ABCC8: variants seen among roughly 807,000 people sequenced by gnomAD.
The protein encoded by ABCC8 is ATP-binding cassette sub-family C member 8.
A neutral mutation model predicts 188.0 loss-of-function variants in ABCC8; 137 were observed. The observed-to-expected ratio is 0.73, with a 90% CI of 0.63 to 0.84. The LOEUF (loss-of-function observed/expected upper bound fraction) is 0.84. ABCC8 is among the 40% of genes least tolerant of loss of function. ABCC8 has a pLI of 0.00. For missense variants in ABCC8, 1,750 were observed against 2,072.7 expected (o/e 0.84, Z 3.02); for synonymous variants, 797 against 846.5 (o/e 0.94, Z 1.01).
At chr11:17,430,423 T>C (rs1955791680) in intron 12 of ABCC8, 3 of 347,822 alleles carry the variant, frequency 8.6e-6, no homozygotes, top group Admixed American at 7.6e-5. Context: ...ACACAGTGGA[T>C]GCCTTCTGAT....
chr11:17,432,052 C>A (rs1955870897), intron 11 of ABCC8, 152 bp downstream of exon 11: 1 of 1,082,354 alleles, frequency 9.2e-7, no homozygotes, highest in Admixed American at 2.3e-5. Context: ...AGGGGCCACA[C>A]CCTCTATAAA....
intron 8 of ABCC8, among the ~76,000 whole-genome samples, chr11:17,445,935 T>C (rs1206021039): frequency 1.3e-5 from 2 of 150,914 alleles, no homozygotes; most frequent in Non-Finnish European, 2.9e-5. Flanking sequence ...ACGGTAACCG[T>C]GCAGCAGGTT....
In ABCC8 at chr11:17,415,103, T is replaced by C. The variant is rs191975399; in HGVS notation, c.2291+201A>G. Among the ~76,000 whole-genome samples, 386 of 149,350 alleles carry C rather than the reference T, an allele frequency of 2.6e-3. 1 individual carries two copies. Among genetic ancestry groups the C allele is most frequent in the African/African-American group, 7.5e-3 (303 of 40,206 alleles). ...AAAGAGATCCCAGATAAAAATGATC[T>C]TATGTGAAGGGAGTAAATGGATGCA... On this transcript the variant is annotated intron_variant, in intron 18 of 38. Coordinates refer to ENST00000389817, the MANE Select transcript of ABCC8 (RefSeq NM_000352.6).
intron 8 of ABCC8, chr11:17,448,311 C>T (rs977824296): frequency 3.3e-6 from 2 of 602,386 alleles, no homozygotes; most frequent in Non-Finnish European, 6.0e-6. Context: ...ACTGCCTTCT[C>T]TGGTCATTAA....
Position 17,427,095 on chromosome 11 carries a change from C to T in ABCC8, c.2176G>A (p.Ala726Thr), listed in dbSNP as rs138687850. The T allele has an allele frequency of 8.1e-4, 1,307 of 1,613,880 alleles. 2 individuals are homozygous for T. The highest frequency in any genetic ancestry group is 1.0e-3 in the Non-Finnish European group (1,215 of 1,179,910). Residue 726 changes from alanine (A) to threonine (T), a missense_variant, in exon 16 of 39, where the codon GCA (alanine) becomes ACA (threonine). By Grantham distance (58) the Ala-to-Thr change is moderately conservative (BLOSUM62 0). Coordinates refer to ENST00000389817, the MANE Select transcript of ABCC8 (RefSeq NM_000352.6). This position sits in a 1 kb window ranked among gnomAD's most constrained non-coding sequence, Gnocchi z 5.0. ...GCGKSSLLLA[A>T]LGEMQKVSGA... ...GAGACCTTCTGCATCTCCCCCAGTG[C>T]GGCTAGAAGGAGCGAGGACTTGCCG...
chr11:17,392,721 T>G, downstream of ABCC8: 1 of 511,328 alleles, frequency 2.0e-6, no homozygotes, highest in Non-Finnish European at 3.6e-6. Flanking sequence ...ACCCAGTCTG[T>G]GATATGTTGT....
intron 3 of ABCC8, among the ~76,000 whole-genome samples, chr11:17,466,289 C>T (rs1848141582): frequency 6.6e-6 from 1 of 151,128 alleles, no homozygotes; most frequent in Non-Finnish European, 1.5e-5. Context: ...GTCCCAGTTA[C>T]TCAGGAGGCT....
intron 12 of ABCC8, 78 bp from the exon 13 acceptor site, chr11:17,428,748 G>A: frequency 5.0e-6 from 8 of 1,586,834 alleles, no homozygotes; most frequent in South Asian, 3.4e-5. Flanking sequence ...CTGATAGAGA[G>A]CTCTGAGCAG....
rs1402596906 is a variant in ABCC8, at chr11:17,397,330, A to G, written c.3868-17T>C. 6 of 1,608,348 alleles carry G rather than the reference A, an allele frequency of 3.7e-6. No homozygotes were observed. The highest frequency in any genetic ancestry group is 5.1e-6 in the Non-Finnish European group (6 of 1,179,944). ...GTTGGAGACCTGTGGGGAGCAAGCCAGTGGCGCACACTCCATGGTCGCTTA... is the reference window on the plus strand; with the variant it reads ...GTTGGAGACCTGTGGGGAGCAAGCCGGTGGCGCACACTCCATGGTCGCTTA... On this transcript the variant is annotated splice_polypyrimidine_tract_variant and intron_variant, in intron 31 of 38. Transcript: ENST00000389817.
chr11:17,453,271 C>A lies in ABCC8; in HGVS notation c.1024G>T (p.Gly342Trp), dbSNP rs763028380. The change falls in exon 7 of 39, where the codon GGG becomes TGG. Residue 342 changes from glycine (G) to tryptophan (W), a missense_variant. Gly to Trp is a radical substitution (Grantham distance 184, BLOSUM62 -2). Coordinates refer to ENST00000389817, the MANE Select transcript of ABCC8 (RefSeq NM_000352.6). ...DVFQPKTQFLGVYFVSSQEFL... is the reference protein window; with the variant it reads ...DVFQPKTQFLWVYFVSSQEFL... ...TCTTGGGATGAGACAAAGTAAACCC[C>A]GAGAAATTGTGTCTGTTGGAAAGAG... 1 of 1,613,900 alleles carries A rather than the reference C, an allele frequency of 6.2e-7. No individual in the cohort carries two copies. Among genetic ancestry groups the A allele is most frequent in the Non-Finnish European group, 8.5e-7 (1 of 1,180,014 alleles).
intron 10 of ABCC8, among the ~76,000 whole-genome samples, chr11:17,434,331 C>T (rs895565802): frequency 5.9e-5 from 9 of 152,242 alleles, no homozygotes; most frequent in East Asian, 1.9e-4. Context: ...ATTGCTACAA[C>T]GCTCTTGGAA....
chr11:17,450,256 CTTT>C (rs1564958669), intron 7 of ABCC8, among the ~76,000 whole-genome samples: 4 of 52,106 alleles, frequency 7.7e-5, no homozygotes, highest in African/African-American at 2.2e-4. Context: ...TTCTTTCTTT[CTTT>C]CTCTTTCTTT....
intron 10 of ABCC8, among the ~76,000 whole-genome samples, chr11:17,434,095 C>G (rs1005455472): frequency 6.6e-6 from 1 of 152,180 alleles, no homozygotes; most frequent in Non-Finnish European, 1.5e-5. Context: ...CTACATAGTT[C>G]TAAATGTGAG....
At chr11:17,476,225 G>T (rs1375645612) in intron 1 of ABCC8, among the ~76,000 whole-genome samples, 1 of 152,224 alleles carries the variant, frequency 6.6e-6, no homozygotes, top group Non-Finnish European at 1.5e-5. Context: ...GCCCAGCTGC[G>T]GCTGACAGGG....
chr11:17,425,535 G>GATCC (rs920446199), intron 16 of ABCC8, among the ~76,000 whole-genome samples: 85 of 152,284 alleles, frequency 5.6e-4, no homozygotes, highest in Non-Finnish European at 9.7e-4. Context: ...AAAGCCCAGA[G>GATCC]ATCCCTTTTT....
rs1199027953 is a variant in ABCC8, at chr11:17,450,375, TCTTTC to T, written c.1177-1709_1177-1705del. ...TTTCTTTCCTTCCTTTCCTTTCCTT[TCTTTC>T]CTTTCCTTTCCTTCTTTCTTTCCTT... On this transcript the variant is annotated intron_variant, in intron 7 of 38. Coordinates refer to ENST00000389817, the MANE Select transcript of ABCC8 (RefSeq NM_000352.6). Among the ~76,000 whole-genome samples, 16 of 62,380 alleles carry T rather than the reference TCTTTC, an allele frequency of 2.6e-4. 1 individual carries two copies. The highest frequency in any genetic ancestry group is 1.3e-3 in the South Asian group (3 of 2,244). 40.9% of individuals were successfully genotyped at this position (62,380 alleles called of 152,430 possible).
At chr11:17,422,547 T>C (rs1288336522) in intron 16 of ABCC8, among the ~76,000 whole-genome samples, 1 of 152,248 alleles carries the variant, frequency 6.6e-6, no homozygotes, top group African/African-American at 2.4e-5. Context: ...CCCATGCATT[T>C]GCCCAAGCTG....
At chr11:17,415,181 G>A in intron 18 of ABCC8, 123 bp downstream of exon 18, 1 of 1,398,428 alleles carries the variant, frequency 7.2e-7, no homozygotes, top group Non-Finnish European at 9.9e-7. Flanking sequence ...GGCCCTCCCT[G>A]GCCTCCCCCA....
At chr11:17,465,228 T>C (rs1440433600) in intron 3 of ABCC8, among the ~76,000 whole-genome samples, 1 of 152,240 alleles carries the variant, frequency 6.6e-6, no homozygotes, top group African/African-American at 2.4e-5. Context: ...CACTCCACTC[T>C]GCCGGACAGA....
Sources: allele counts gnomAD v4.1 joint callset (sites outside exome capture counted in the v4.1 genomes callset), GRCh38; gene constraint gnomAD v4.1.1; non-coding constraint Gnocchi (gnomAD v3.1); transcripts MANE v1.5; gene names NCBI Gene and HGNC (gene_info 2026-07-23, HGNC 2026-07-21).